The following ABLIM1 variants were observed in gnomAD, a reference collection of about 807,000 sequenced individuals.
ABLIM1 encodes the protein actin binding LIM protein 1.
A neutral mutation model predicts 107.0 loss-of-function variants in ABLIM1; 40 were observed. The observed-to-expected ratio is 0.37, with a 90% CI of 0.29 to 0.49. The LOEUF (loss-of-function observed/expected upper bound fraction) is 0.49. Among genes scored for constraint, ABLIM1 ranks in the 20% least tolerant of loss-of-function variants. The pLI, the probability that ABLIM1 is intolerant of heterozygous loss-of-function variation, is 0.97. For missense variants in ABLIM1, 857 were observed against 1,008.5 expected (o/e 0.85, Z 2.04); for synonymous variants, 357 against 357.3 (o/e 1.00, Z 0.01).
chr10:114,543,161 T>A (rs2066906255), intron 6 of ABLIM1, among the ~76,000 whole-genome samples: 1 of 152,148 alleles, frequency 6.6e-6, no homozygotes, highest in African/African-American at 2.4e-5. Context: ...ACATCTGAGC[T>A]GAAATGCACG....
At chr10:114,587,661 A>AC (rs2074342705) in intron 2 of ABLIM1, among the ~76,000 whole-genome samples, 2 of 152,132 alleles carry the variant, frequency 1.3e-5, no homozygotes, top group Admixed American at 6.6e-5. Context: ...CTCTAGCCAC[A>AC]CCTGTGTCCT....
chr10:114,545,108 A>C lies in ABLIM1; in HGVS notation c.801-10T>G. 1 of 1,613,900 alleles carries C rather than the reference A, an allele frequency of 6.2e-7. No individual in the cohort carries two copies. The highest frequency in any genetic ancestry group is 1.7e-5 in the Admixed American group (1 of 60,028). On this transcript the variant is annotated splice_polypyrimidine_tract_variant and intron_variant, in intron 5 of 22. Transcript: ENST00000533213. ...GTACGGAGCACCATCCCTGCAAGAC[A>C]AAAACGTGTTCGGCTCCTGAGGAGG...
intron 3 of ABLIM1, among the ~76,000 whole-genome samples, chr10:114,574,849 T>C (rs189028800): frequency 2.6e-4 from 39 of 152,210 alleles, no homozygotes; most frequent in East Asian, 1.7e-3. Context: ...AAAGATGAGA[T>C]TGTAAATTTT....
At chr10:114,538,225 C>G (rs2066244045) in intron 6 of ABLIM1, among the ~76,000 whole-genome samples, 1 of 152,156 alleles carries the variant, frequency 6.6e-6, no homozygotes, top group Admixed American at 6.5e-5. Flanking sequence ...AAAAGCAAAA[C>G]AAAACAGAGC....
At chr10:114,610,566 G>A (rs1428616348) in intron 1 of ABLIM1, 1 of 152,170 alleles carries the variant, frequency 6.6e-6, no homozygotes, top group East Asian at 1.9e-4. Flanking sequence ...CTAGTATGGA[G>A]CCCAGAAAAC....
intron 1 of ABLIM1, among the ~76,000 whole-genome samples, chr10:114,624,047 G>T (rs1298909024): frequency 6.6e-6 from 1 of 152,138 alleles, no homozygotes; most frequent in African/African-American, 2.4e-5. Flanking sequence ...CACAGCTCCT[G>T]CCAGTTTGGG....
chr10:114,529,752 C>T (rs1436515417), intron 6 of ABLIM1, among the ~76,000 whole-genome samples: 2 of 152,074 alleles, frequency 1.3e-5, no homozygotes, highest in Non-Finnish European at 2.9e-5. Flanking sequence ...GTGGGCTGGG[C>T]GTGGTGGCTC....
intron 1 of ABLIM1, among the ~76,000 whole-genome samples, chr10:114,614,460 A>T (rs1237033244): frequency 6.6e-6 from 1 of 152,094 alleles, no homozygotes; most frequent in African/African-American, 2.4e-5. Flanking sequence ...AGTATTAGAC[A>T]TGTTTTTCAC....
At chr10:114,777,332 T>G in the ABLIM1 span, among the ~76,000 whole-genome samples, 13 of 152,214 alleles carry the variant, frequency 8.5e-5, no homozygotes, top group African/African-American at 3.1e-4. Context: ...TGTTTTTCCA[T>G]ATTTTTTCTA....
chr10:114,435,466 G>C lies in ABLIM1; in HGVS notation c.*794C>G, dbSNP rs774558721. The C allele has an allele frequency of 2.6e-5, 4 of 152,210 alleles. No individual in the cohort carries two copies. Among genetic ancestry groups the C allele is most frequent in the Non-Finnish European group, 5.9e-5 (4 of 68,052 alleles). 9.4% of individuals were successfully genotyped at this position (152,210 alleles called of 1,614,324 possible). A position where few individuals can be genotyped will look rare whatever the true frequency, so the allele number is the denominator to read the frequency against. On this transcript the variant is annotated 3_prime_UTR_variant, in exon 23 of 23. Transcript: ENST00000533213. Reference sequence around the variant, plus strand: ...TTTGTGTTTTTCCTTTCTTTGCAAAGGTGGAGCTCCAGACAGCTCCTGTCC... The same window carrying C: ...TTTGTGTTTTTCCTTTCTTTGCAAACGTGGAGCTCCAGACAGCTCCTGTCC...
chr10:114,451,513 C>T (rs886639668), intron 14 of ABLIM1, 111 bp downstream of exon 14: 6 of 971,846 alleles, frequency 6.2e-6, no homozygotes, highest in Admixed American at 3.4e-5. Context: ...ATGCTGGATG[C>T]CCCAGTTTTA....
intron 1 of ABLIM1, among the ~76,000 whole-genome samples, chr10:114,703,823 G>A (rs1055230090): frequency 6.6e-5 from 10 of 152,162 alleles, no homozygotes; most frequent in Admixed American, 5.2e-4. Context: ...ATAGAGGCTG[G>A]GGGCACAGAA....
chr10:114,441,632 A>C, intron 18 of ABLIM1, 90 bp downstream of exon 18: 6 of 1,224,878 alleles, frequency 4.9e-6, no homozygotes, highest in Non-Finnish European at 7.2e-6. Flanking sequence ...TGAGATCAAG[A>C]GTCAGACGTA....
chr10:114,497,662 A>G (rs1590466102), intron 6 of ABLIM1, among the ~76,000 whole-genome samples: 1 of 141,278 alleles, frequency 7.1e-6, no homozygotes, highest in East Asian at 2.1e-4. Context: ...AGCCTGGGCA[A>G]CAGAGCCGGA....
Position 114,578,404 on chromosome 10 carries a change from C to T in ABLIM1, c.380-2805G>A, listed in dbSNP as rs192244998. On this transcript the variant is annotated intron_variant, in intron 2 of 22. Transcript: ENST00000533213. ...ACTCTTACATCAACATCAACATTTTCTGTTGTTTTTTTTTTTTTTGAGATG... is the reference window on the plus strand; with the variant it reads ...ACTCTTACATCAACATCAACATTTTTTGTTGTTTTTTTTTTTTTTGAGATG... Among the ~76,000 whole-genome samples the T allele has an allele frequency of 6.0e-3, 863 of 144,912 alleles. 8 individuals are homozygous for T. The highest frequency in any genetic ancestry group is 9.3e-3 in the Non-Finnish European group (626 of 67,164).
At chr10:114,503,059 G>C (rs948286030) in intron 6 of ABLIM1, among the ~76,000 whole-genome samples, 1 of 152,132 alleles carries the variant, frequency 6.6e-6, no homozygotes, top group African/African-American at 2.4e-5. Flanking sequence ...ATCCATGTTA[G>C]TGTGTGTAGT....
At chr10:114,683,186 G>A (rs990413999) in intron 1 of ABLIM1, among the ~76,000 whole-genome samples, 1 of 152,214 alleles carries the variant, frequency 6.6e-6, no homozygotes, top group African/African-American at 2.4e-5. Flanking sequence ...TTATCCTTTA[G>A]AAAGAACAGG....
At chr10:114,651,840 G>A (rs1001965603) in intron 1 of ABLIM1, among the ~76,000 whole-genome samples, 4 of 152,126 alleles carry the variant, frequency 2.6e-5, no homozygotes, top group Non-Finnish European at 5.9e-5. Flanking sequence ...CTGCTGTTTG[G>A]GGGGAACCAT....
chr10:114,447,115 T>C (rs2061129347), intron 15 of ABLIM1, among the ~76,000 whole-genome samples: 1 of 152,230 alleles, frequency 6.6e-6, no homozygotes, highest in African/African-American at 2.4e-5. Context: ...GATAAGATCG[T>C]GTCTTTGTAA....
Sources: allele counts gnomAD v4.1 joint callset (sites outside exome capture counted in the v4.1 genomes callset), GRCh38; gene constraint gnomAD v4.1.1; transcripts MANE v1.5; gene names NCBI Gene and HGNC (gene_info 2026-07-23, HGNC 2026-07-21).